The following PRTG variants were observed in gnomAD, a reference collection of about 807,000 sequenced individuals.
PRTG encodes the protein immunoglobulin superfamily, DCC subclass, member 5.
Under a neutral mutation model 122.5 loss-of-function variants are expected in PRTG, and 67 were observed. The ratio of observed to expected loss-of-function variants is 0.55; its 90% confidence interval spans 0.45 to 0.67. The LOEUF (loss-of-function observed/expected upper bound fraction) is 0.67, where lower values mean the gene tolerates loss of function less well. Ranked by LOEUF, PRTG falls within the 30% of genes least tolerant of loss-of-function variation. PRTG has a pLI of 0.00. For synonymous variants in PRTG, 554 were observed against 501.1 expected (o/e 1.11, Z -1.41); for missense variants, 1,435 against 1,415.4 (o/e 1.01, Z -0.22).
At chr15:55,711,687 C>G (rs886696066) in intron 2 of PRTG, among the ~76,000 whole-genome samples, 1 of 152,032 alleles carries the variant, frequency 6.6e-6, no homozygotes, top group East Asian at 1.9e-4. Context: ...CCTTCACCAG[C>G]AAGCCTATCA....
intron 11 of PRTG, among the ~76,000 whole-genome samples, chr15:55,657,320 TAA>T (rs1397334566): frequency 1.3e-5 from 2 of 152,128 alleles, no homozygotes; most frequent in African/African-American, 4.8e-5. Flanking sequence ...GGTCATTTTA[TAA>T]AAAGAGTGGA....
intron 8 of PRTG, 132 bp downstream of exon 8, chr15:55,677,665 A>G: frequency 2.7e-6 from 2 of 745,314 alleles, no homozygotes; most frequent in East Asian, 2.7e-5. Flanking sequence ...GTGATAGATT[A>G]TTTTATCAAA....
At chr15:55,673,230 A>C in intron 10 of PRTG, 141 bp downstream of exon 10, 1 of 690,254 alleles carries the variant, frequency 1.4e-6, no homozygotes, top group Non-Finnish European at 2.3e-6. Context: ...AAAAAGTTTA[A>C]TTTTTTTCAA....
At chr15:55,638,994 T>G (rs1458081735) in intron 13 of PRTG, among the ~76,000 whole-genome samples, 1 of 139,656 alleles carries the variant, frequency 7.2e-6, no homozygotes, top group Non-Finnish European at 1.6e-5. Context: ...TCATTCATGA[T>G]GAGGTCTTGC....
intron 2 of PRTG, among the ~76,000 whole-genome samples, chr15:55,740,067 T>C (rs1402571988): frequency 6.6e-6 from 1 of 152,242 alleles, no homozygotes; most frequent in Non-Finnish European, 1.5e-5. Context: ...AGAACAACTT[T>C]TGTTGCGTTG....
intron 2 of PRTG, among the ~76,000 whole-genome samples, chr15:55,737,285 T>C (rs1418070696): frequency 6.6e-6 from 1 of 152,252 alleles, no homozygotes; most frequent in Non-Finnish European, 1.5e-5. Flanking sequence ...CGGCTATTAA[T>C]AAAAAGGATT....
intron 8 of PRTG, 68 bp from the exon 9 acceptor site, chr15:55,675,751 G>A (rs1469383395): frequency 1.0e-6 from 1 of 968,000 alleles, no homozygotes; most frequent in South Asian, 1.6e-5. Flanking sequence ...CCATTTTCCT[G>A]CACTGTGAAA....
At chr15:55,687,736 A>G (rs1485956254) in intron 2 of PRTG, among the ~76,000 whole-genome samples, 1 of 152,210 alleles carries the variant, frequency 6.6e-6, no homozygotes, top group Non-Finnish European at 1.5e-5. Flanking sequence ...TAATCCTCAC[A>G]AACACCTTTA....
At chr15:55,637,429 C>A in intron 14 of PRTG, 89 bp from the exon 15 acceptor site, 1 of 1,141,606 alleles carries the variant, frequency 8.8e-7, no homozygotes. Flanking sequence ...GAAAAAAGTT[C>A]AAAAAATTAG....
At position 55,619,953 on chromosome 15, in the gene PRTG, C is replaced by T. The variant is rs929127914; in HGVS notation, c.*59G>A. 4 of 1,596,740 alleles carry T rather than the reference C, an allele frequency of 2.5e-6. No homozygotes were observed. The highest frequency in any genetic ancestry group is 1.9e-4 in the Middle Eastern group (1 of 5,354). ...GTCTGCTCACTAACAGATGACACAG[C>T]AGGGTCTTCACACTTCCTCAATGCG... On this transcript the variant is annotated 3_prime_UTR_variant, in exon 20 of 20. Transcript: ENST00000389286.
intron 2 of PRTG, among the ~76,000 whole-genome samples, chr15:55,724,869 C>T (rs2030968141): frequency 6.6e-6 from 1 of 152,156 alleles, no homozygotes; most frequent in Admixed American, 6.6e-5. Flanking sequence ...CGCAGAGAAA[C>T]AGCTGAGGCA....
In PRTG at chr15:55,619,941, C is replaced by T; in HGVS notation, c.*71G>A. ...ACTAAGGAGGAAGTCTGCTCACTAA[C>T]AGATGACACAGCAGGGTCTTCACAC... On this transcript the variant is annotated 3_prime_UTR_variant, in exon 20 of 20. Transcript: ENST00000389286. The T allele has an allele frequency of 1.9e-6, 3 of 1,584,356 alleles. No individual in the cohort carries two copies. Among genetic ancestry groups the T allele is most frequent in the Non-Finnish European group, 2.6e-6 (3 of 1,165,302 alleles).
At chr15:55,647,932 A>G (rs898738680) in intron 11 of PRTG, among the ~76,000 whole-genome samples, 1 of 152,180 alleles carries the variant, frequency 6.6e-6, no homozygotes, top group African/African-American at 2.4e-5. Flanking sequence ...TGGCTTGCGT[A>G]TACTATTGAA....
At position 55,617,701 on chromosome 15, in the gene PRTG, CT is replaced by C. The variant is rs1335535811; in HGVS notation, c.*2310del. 6.6e-6 allele frequency: 1 copy of C among 152,100 alleles called. No homozygotes were observed. Among genetic ancestry groups the C allele is most frequent in the Non-Finnish European group, 1.5e-5 (1 of 67,992 alleles). 9.4% of individuals were successfully genotyped at this position (152,100 alleles called of 1,614,324 possible). A position where few individuals can be genotyped will look rare whatever the true frequency, so the allele number is the denominator to read the frequency against. On this transcript the variant is annotated 3_prime_UTR_variant, in exon 20 of 20. Transcript: ENST00000389286. ...CATCAAAAACCAAACAAACAAAATA[CT>C]TTCCTCAAGGACTTTAGCTCGTCTT...
chr15:55,724,260 T>G (rs2030944652), intron 2 of PRTG, among the ~76,000 whole-genome samples: 1 of 152,234 alleles, frequency 6.6e-6, no homozygotes, highest in Admixed American at 6.5e-5. Context: ...CTAGCCATTT[T>G]TTGAGTGTAG....
chr15:55,668,907 T>G (rs1032885763), intron 11 of PRTG, among the ~76,000 whole-genome samples: 2 of 152,226 alleles, frequency 1.3e-5, no homozygotes, highest in African/African-American at 4.8e-5. Flanking sequence ...TTTAGTTCAT[T>G]AGAAATTTGT....
At chr15:55,678,728 C>T (rs2059519078) in intron 7 of PRTG, among the ~76,000 whole-genome samples, 2 of 151,990 alleles carry the variant, frequency 1.3e-5, no homozygotes, top group African/African-American at 2.4e-5. Flanking sequence ...TTAAATTTGG[C>T]TCATTAAGAA....
chr15:55,691,111 G>A (rs138613959), intron 2 of PRTG, among the ~76,000 whole-genome samples: 1,565 of 151,884 alleles, frequency 0.01, 19 homozygotes, highest in Non-Finnish European at 0.011. Flanking sequence ...CCTGGCCAAC[G>A]TGATGAAACC....
intron 14 of PRTG, 102 bp from the exon 15 acceptor site, chr15:55,637,442 A>G (rs924554115): frequency 5.5e-6 from 5 of 912,248 alleles, no homozygotes; most frequent in Non-Finnish European, 7.8e-6. Flanking sequence ...AAAATTAGAA[A>G]CCTCCATAAG....
Sources: allele counts gnomAD v4.1 joint callset (sites outside exome capture counted in the v4.1 genomes callset), GRCh38; gene constraint gnomAD v4.1.1; transcripts MANE v1.5; gene names NCBI Gene and HGNC (gene_info 2026-07-23, HGNC 2026-07-21).